UBR1: variants seen among roughly 807,000 people sequenced by gnomAD.
The protein encoded by UBR1 is E3 ubiquitin-protein ligase UBR1.
A neutral mutation model predicts 242.1 loss-of-function variants in UBR1; 102 were observed. The observed-to-expected ratio is 0.42, with a 90% CI of 0.36 to 0.50. The LOEUF (loss-of-function observed/expected upper bound fraction) is 0.50. Among genes scored for constraint, UBR1 ranks in the 20% least tolerant of loss-of-function variants. UBR1 has a pLI of 0.01. For synonymous variants in UBR1, 675 were observed against 684.8 expected, an observed-to-expected ratio of 0.99 and a Z score of 0.22; for missense variants, 1,772 against 2,101.8, an observed-to-expected ratio of 0.84 and a Z score of 3.07.
Position 42,999,182 on chromosome 15 carries a change from G to A in UBR1, c.3660-917C>T, listed in dbSNP as rs868147257. ...TCTCGATCTCTTGACCTCGTGATCC[G>A]CCCGCCTCAGCCTCCCAAAGTGCTG... On this transcript the variant is annotated intron_variant, in intron 32 of 46. Transcript: ENST00000290650. 1.4e-4 allele frequency among the ~76,000 whole-genome samples: 21 copies of A among 152,010 alleles called. No individual in the cohort carries two copies. The South Asian group carries it at 2.3e-3, about 17-fold the overall frequency.
intron 20 of UBR1, among the ~76,000 whole-genome samples, chr15:43,030,633 A>C (rs569080348): frequency 6.6e-6 from 1 of 152,358 alleles, no homozygotes; most frequent in African/African-American, 2.4e-5. Context: ...TCAGATTTCC[A>C]TTTTCATCAC....
chr15:43,100,618 T>C (rs894890298), intron 1 of UBR1, among the ~76,000 whole-genome samples: 4 of 152,046 alleles, frequency 2.6e-5, no homozygotes, highest in Non-Finnish European at 4.4e-5. Flanking sequence ...AGATGGATCA[T>C]GAGGTCAAGA....
chr15:43,058,519 T>TA, intron 9 of UBR1, 90 bp from the exon 10 acceptor site: 2 of 815,460 alleles, frequency 2.5e-6, no homozygotes, highest in Non-Finnish European at 4.1e-6. Context: ...GGCAGAATAT[T>TA]ATAAAATTAC....
Position 43,061,023 on chromosome 15 carries a change from C to G in UBR1, c.799-909G>C, listed in dbSNP as rs192379833. On this transcript the variant is annotated intron_variant, in intron 6 of 46. Coordinates refer to ENST00000290650, the MANE Select transcript of UBR1 (RefSeq NM_174916.3). ...TTGGACAAGAATAGTTACATAAACTCGAGCTCAATCAGCTTGTATGTATGT... is the reference window on the plus strand; with the variant it reads ...TTGGACAAGAATAGTTACATAAACTGGAGCTCAATCAGCTTGTATGTATGT... 8.6e-5 allele frequency among the ~76,000 whole-genome samples: 13 copies of G among 151,856 alleles called. No individual in the cohort carries two copies. The East Asian group carries it at 2.3e-3, about 27-fold the overall frequency.
chr15:42,966,321 CA>C, intron 40 of UBR1, 35 bp from the exon 41 acceptor site: 1 of 1,613,340 alleles, frequency 6.2e-7, no homozygotes, highest in South Asian at 1.1e-5. Flanking sequence ...GAACAGAATA[CA>C]TATCAGACTA....
chr15:43,073,054 G>A (rs2033842244), intron 4 of UBR1, among the ~76,000 whole-genome samples: 1 of 151,842 alleles, frequency 6.6e-6, no homozygotes, highest in African/African-American at 2.4e-5. Flanking sequence ...TCAGCTACTC[G>A]GGAAGCTGAG....
intron 25 of UBR1, among the ~76,000 whole-genome samples, chr15:43,024,455 T>C (rs1207562628): frequency 6.6e-6 from 1 of 152,254 alleles, no homozygotes; most frequent in Non-Finnish European, 1.5e-5. Flanking sequence ...ATTTGCTCCT[T>C]AAATAGGAAG....
At chr15:42,997,265 C>G (rs145449308) in intron 33 of UBR1, among the ~76,000 whole-genome samples, 40 of 152,292 alleles carry the variant, frequency 2.6e-4, no homozygotes, top group South Asian at 1.9e-3. Context: ...TCTCCCATGA[C>G]CCCCAGATGG....
intron 42 of UBR1, 30 bp from the exon 43 acceptor site, chr15:42,960,731 T>C (rs1341490322): frequency 6.2e-7 from 1 of 1,609,002 alleles, no homozygotes; most frequent in African/African-American, 1.3e-5. Context: ...AAAAGACAAA[T>C]GGATTATCAC....
chr15:42,984,074 C>T (rs572822358), intron 36 of UBR1, 81 bp from the exon 37 acceptor site: 1 of 1,054,154 alleles, frequency 9.5e-7, no homozygotes, highest in South Asian at 1.5e-5. Flanking sequence ...TTGGTAAAAA[C>T]CAACTCTAGT....
chr15:43,100,126 C>A (rs1276219967), intron 1 of UBR1, among the ~76,000 whole-genome samples: 1 of 152,086 alleles, frequency 6.6e-6, no homozygotes, highest in African/African-American at 2.4e-5. Context: ...AAACCCACCT[C>A]GGCCTCCCAA....
At chr15:43,077,553 T>C (rs1035208830) in intron 3 of UBR1, among the ~76,000 whole-genome samples, 1 of 150,846 alleles carries the variant, frequency 6.6e-6, no homozygotes, top group Non-Finnish European at 1.5e-5. Flanking sequence ...CCAGAGACCT[T>C]TGTTCACTTG....
intron 1 of UBR1, among the ~76,000 whole-genome samples, chr15:43,095,551 A>T (rs1324502440): frequency 1.3e-5 from 2 of 152,076 alleles, no homozygotes; most frequent in Non-Finnish European, 2.9e-5. Context: ...TTAAAAAAAA[A>T]AAAAAAAGGC....
chr15:43,102,779 G>A (rs1048031440), intron 1 of UBR1, among the ~76,000 whole-genome samples: 5 of 143,918 alleles, frequency 3.5e-5, no homozygotes, highest in East Asian at 1.9e-4. Context: ...TTTTCCACCC[G>A]TTTCAATCAT....
rs2032104234 is a variant in UBR1, at chr15:42,966,265, A to C, written c.4479T>G (p.Pro1493=). The part of the protein sequence containing the change: ...YTSGSIGCDI[P]GWYLWVSLKN... ...TCAGTGAGACCCACAAATACCAGCC[A>C]GGAATATCACACCCAATGGAGCTAG... Residue 1493 remains proline, a synonymous_variant, in exon 41 of 47, where the codon CCT becomes CCG. Transcript: ENST00000290650. The C allele has an allele frequency of 2.5e-6, 4 of 1,614,102 alleles. No homozygotes were observed. Among genetic ancestry groups the C allele is most frequent in the Non-Finnish European group, 2.5e-6 (3 of 1,180,056 alleles).
intron 3 of UBR1, among the ~76,000 whole-genome samples, chr15:43,076,280 T>C (rs936317319): frequency 1.3e-5 from 2 of 152,102 alleles, no homozygotes; most frequent in Non-Finnish European, 2.9e-5. Context: ...GTTCACTCAG[T>C]GCTCAATGGT....
chr15:43,008,153 G>C (rs564518960), intron 29 of UBR1, among the ~76,000 whole-genome samples: 1 of 152,226 alleles, frequency 6.6e-6, no homozygotes, highest in Non-Finnish European at 1.5e-5. Context: ...CAAAGATGTC[G>C]CTGCAGCAGT....
At position 43,094,481 on chromosome 15, in the gene UBR1, CT is replaced by C. The variant is rs756603830; in HGVS notation, c.82-8242del. Reference sequence around the variant, plus strand: ...CAACAAAAACATCCATTCTCACATTCTTTTTTTCTTTTTAAATTTTTTTCTA... The same window carrying C: ...CAACAAAAACATCCATTCTCACATTCTTTTTTCTTTTTAAATTTTTTTCTA... On this transcript the variant is annotated intron_variant, in intron 1 of 46. Coordinates refer to ENST00000290650, the MANE Select transcript of UBR1 (RefSeq NM_174916.3). Among the ~76,000 whole-genome samples, 4 of 151,408 alleles carry C rather than the reference CT, an allele frequency of 2.6e-5. No individual in the cohort carries two copies. In the East Asian group the frequency reaches 5.8e-4, roughly 22 times the overall value.
intron 39 of UBR1, among the ~76,000 whole-genome samples, chr15:42,972,031 A>G (rs773380593): frequency 1.3e-5 from 2 of 152,170 alleles, no homozygotes; most frequent in Non-Finnish European, 2.9e-5. Flanking sequence ...ATTATCACCC[A>G]AAGTCCACAG....
Sources: gnomAD v4.1 joint callset for allele counts (sites outside exome capture counted in the v4.1 genomes callset) on GRCh38, gnomAD v4.1.1 for gene constraint, MANE v1.5 for transcripts, NCBI Gene and HGNC (gene_info 2026-07-23, HGNC 2026-07-21) for gene names.